The following EPS8L1 variants were observed in gnomAD, a reference collection of about 807,000 sequenced individuals.
The protein encoded by EPS8L1 is EPS8 signaling adaptor L1.
EPS8L1 carries 101 observed loss-of-function variants against 91.7 expected under a neutral mutation model. That is an observed-to-expected ratio of 1.10 (90% CI 0.94 to 1.30). The LOEUF is 1.30. Ranked by LOEUF, EPS8L1 falls within the 50% of genes most tolerant of loss-of-function variation. The probability of loss-of-function intolerance (pLI) is 0.00; values close to 1 mark genes in which losing one functional copy is unlikely to be tolerated. For synonymous variants in EPS8L1, 506 were observed against 445.3 expected (o/e 1.14, Z -1.72); for missense variants, 1,114 against 1,017.0 (o/e 1.10, Z -1.30).
At position 55,081,729 on chromosome 19, in the gene EPS8L1, T is replaced by A. The variant is rs1320419217; in HGVS notation, c.775-44T>A. 2.5e-6 allele frequency: 4 copies of A among 1,570,492 alleles called. No homozygotes were observed. In the South Asian group the frequency reaches 4.6e-5, roughly 18 times the overall value. On this transcript the variant is annotated intron_variant, in intron 8 of 19. Transcript: ENST00000201647. The surrounding 1 kb of genome is among the most constrained non-coding windows in gnomAD (Gnocchi z 4.9). ...GTTCAGGGCTTCGACGGGGATGGTT[T>A]TGGAACTCGGGAGCCCTGAGCGTCC...
intron 12 of EPS8L1, 68 bp downstream of exon 12, chr19:55,082,670 G>A: frequency 1.4e-6 from 2 of 1,433,230 alleles, no homozygotes; most frequent in South Asian, 1.3e-5. Context: ...GGAGGTGGGT[G>A]GCATGATGAT....
Position 55,083,802 on chromosome 19 carries a change from G to A in EPS8L1, c.1385+158G>A. On this transcript the variant is annotated intron_variant, in intron 14 of 19. Transcript: ENST00000201647. This position sits in a 1 kb window ranked among gnomAD's most constrained non-coding sequence, Gnocchi z 4.7. The stretch of plus-strand genomic sequence containing the variant: ...TGGTGATGGGGCGGGCCGGGGCTGG[G>A]AGAGAGGGAGGAGCAGGGTGGGAGG... The A allele has an allele frequency of 2.2e-6, 1 of 454,408 alleles. No homozygotes were observed. Among genetic ancestry groups the A allele is most frequent in the Middle Eastern group, 3.7e-4 (1 of 2,728 alleles). The allele number at this position is 454,408 out of a possible 1,614,324, so 28.1% of individuals were successfully genotyped here. A position where few individuals can be genotyped will look rare whatever the true frequency, so the allele number is the denominator to read the frequency against.
intron 19 of EPS8L1, 30 bp downstream of exon 19, chr19:55,087,465 G>A (rs1265212484): frequency 1.2e-6 from 2 of 1,614,212 alleles, no homozygotes; most frequent in Non-Finnish European, 8.5e-7. Flanking sequence ...CCTGGGTCTG[G>A]GTAGGGTTGG....
rs1163027566 is a variant in EPS8L1 at position 55,079,002 on chromosome 19, A to C, written c.62A>C (p.Gln21Pro). The C allele has an allele frequency of 6.2e-7, 1 of 1,613,924 alleles. No homozygotes were observed. The highest frequency in any genetic ancestry group is 8.5e-7 in the Non-Finnish European group (1 of 1,179,926). Reference sequence around the variant, plus strand: ...CATTCTCTTTCTCCCCTGGCAGAGCAGAGGAAGCGTTACTCCACAGTTGTT... The same window carrying C: ...CATTCTCTTTCTCCCCTGGCAGAGCCGAGGAAGCGTTACTCCACAGTTGTT... Reference protein sequence around the residue: ...PKPSAKSIYEQRKRYSTVVMA... With the variant: ...PKPSAKSIYEPRKRYSTVVMA... The change falls in exon 4 of 20, where the codon CAG becomes CCG. Residue 21 changes from glutamine to proline, a missense_variant. Gln to Pro is a moderately conservative substitution (Grantham distance 76). Coordinates refer to ENST00000201647, the MANE Select transcript of EPS8L1 (RefSeq NM_133180.3).
chr19:55,080,973 T>C (rs2076245739), intron 7 of EPS8L1, 119 bp downstream of exon 7: 1 of 1,011,300 alleles, frequency 9.9e-7, no homozygotes, highest in Non-Finnish European at 1.4e-6. Flanking sequence ...CACACCCTAG[T>C]CGAGTCTTGT....
intron 2 of EPS8L1, 90 bp downstream of exon 2, chr19:55,076,551 C>T: frequency 6.9e-7 from 1 of 1,453,486 alleles, no homozygotes; most frequent in Non-Finnish European, 9.4e-7. Flanking sequence ...GCAGCCCAGA[C>T]TGTTTGCGGC....
intron 18 of EPS8L1, 55 bp downstream of exon 18, chr19:55,086,943 G>A (rs2076359392): frequency 1.4e-6 from 2 of 1,402,546 alleles, no homozygotes; most frequent in Non-Finnish European, 1.8e-6. Context: ...TGGGAGCGGA[G>A]CGTTCCGATC....
At position 55,083,399 on chromosome 19, in the gene EPS8L1, G is replaced by C; in HGVS notation, c.1236G>C (p.Glu412Asp). ...GCAGGCTGGAGCTGTCCCCGGAGGA[G>C]GGACCCCCATACAGACCCGAGTTCT... ...TRPGLELSPEEGPPYRPEFFS... is the reference protein window; with the variant it reads ...TRPGLELSPEDGPPYRPEFFS... Residue 412 changes from glutamate to aspartate, a missense_variant, in exon 13 of 20, where the codon GAG becomes GAC. Physicochemically the swap from Glu to Asp is conservative, Grantham distance 45. Transcript: ENST00000201647. The surrounding 1 kb of genome is among the most constrained non-coding windows in gnomAD (Gnocchi z 4.7). The C allele has an allele frequency of 6.2e-7, 1 of 1,613,116 alleles. No individual in the cohort carries two copies. Among genetic ancestry groups the C allele is most frequent in the Non-Finnish European group, 8.5e-7 (1 of 1,179,950 alleles).
In EPS8L1 at chr19:55,081,834, C is replaced by T. The variant is rs1602936894; in HGVS notation, c.836C>T (p.Ala279Val). 6.2e-7 allele frequency: 1 copy of T among 1,612,504 alleles called. No individual in the cohort carries two copies. The highest frequency in any genetic ancestry group is 2.2e-5 in the East Asian group (1 of 44,800). Reference protein sequence around the residue: ...ESFVSRLQKSAEAARVLEHRE... With the variant: ...ESFVSRLQKSVEAARVLEHRE... ...TTTGTATCGAGGCTGCAGAAGTCGG[C>T]GGAGGCGGCCAGGGTGCTGGAGCAC... is the stretch of plus-strand genomic sequence containing the variant. The change falls in exon 9 of 20, where the codon GCG (alanine) becomes GTG (valine). Residue 279 changes from alanine to valine, a missense_variant. Ala to Val is a moderately conservative substitution (Grantham distance 64). Transcript: ENST00000201647. The surrounding 1 kb of genome is among the most constrained non-coding windows in gnomAD (Gnocchi z 4.9).
Position 55,087,743 on chromosome 19 carries a change from C to A in EPS8L1, c.*129C>A. The A allele has an allele frequency of 1.1e-6, 1 of 944,834 alleles. No individual in the cohort carries two copies. The highest frequency in any genetic ancestry group is 1.7e-6 in the Non-Finnish European group (1 of 605,762). 58.5% of individuals were successfully genotyped at this position (944,834 alleles called of 1,614,324 possible). ...TGCTCCGGCCCTGGTCTTCCCCCAT[C>A]CCGGTGGACAGACTTAACGATCCTT... On this transcript the variant is annotated 3_prime_UTR_variant, in exon 20 of 20. Transcript: ENST00000201647.
chr19:55,081,294 C>G lies in EPS8L1; in HGVS notation c.576C>G (p.Arg192=). 6.5e-7 allele frequency: 1 copy of G among 1,548,962 alleles called. No individual in the cohort carries two copies. Among genetic ancestry groups the G allele is most frequent in the Non-Finnish European group, 8.7e-7 (1 of 1,154,024 alleles). The part of the protein sequence containing the change: ...SPAAETPPLQ[R]RPSVRAVIST... ...CCGCTGAGACCCCGCCCCTGCAGCGCCGCCCGTCAGTCCGCGCAGTGATCA... is the reference window on the plus strand; with the variant it reads ...CCGCTGAGACCCCGCCCCTGCAGCGGCGCCCGTCAGTCCGCGCAGTGATCA... Residue 192 remains arginine (R), a synonymous_variant, in exon 8 of 20, where the codon CGC becomes CGG. Coordinates refer to ENST00000201647, the MANE Select transcript of EPS8L1 (RefSeq NM_133180.3). The surrounding 1 kb of genome is among the most constrained non-coding windows in gnomAD (Gnocchi z 4.9).
rs2076230022 is a variant in EPS8L1 at position 55,080,420 on chromosome 19, A to G, written c.429+142A>G. On this transcript the variant is annotated intron_variant, in intron 6 of 19. Transcript: ENST00000201647. ...GCAAGGAAGGGCAGGGGACCTGGGAAGGAAGTTCTGGAAGGCAGTGGGGTT... is the reference window on the plus strand; with the variant it reads ...GCAAGGAAGGGCAGGGGACCTGGGAGGGAAGTTCTGGAAGGCAGTGGGGTT... 2.5e-6 allele frequency: 4 copies of G among 1,597,688 alleles called. No individual in the cohort carries two copies. In the Admixed American group the frequency reaches 7.0e-5, roughly 28 times the overall value.
Position 55,087,821 on chromosome 19 carries a change from G to C in EPS8L1, c.*207G>C, listed in dbSNP as rs1255034468. 1 of 604,196 alleles carries C rather than the reference G, an allele frequency of 1.7e-6. No individual in the cohort carries two copies. Among genetic ancestry groups the C allele is most frequent in the Non-Finnish European group, 2.9e-6 (1 of 340,090 alleles). The allele number at this position is 604,196 out of a possible 1,614,324, so 37.4% of individuals were successfully genotyped here. On this transcript the variant is annotated 3_prime_UTR_variant, in exon 20 of 20. Transcript: ENST00000201647. ...ACTGGCTGGGAGTGGGGAGGGCGTG[G>C]AGACAGTCTACGGAAAGCGCTAGCA...
At chr19:55,079,531 G>A in intron 4 of EPS8L1, 159 bp from the exon 5 acceptor site, 1 of 812,792 alleles carries the variant, frequency 1.2e-6, no homozygotes, top group Non-Finnish European at 1.9e-6. Context: ...GAAACAAAGG[G>A]CACTGGGAGG....
In EPS8L1 at chr19:55,082,516, G is replaced by A. The variant is rs772529089; in HGVS notation, c.1128G>A (p.Ser376=). The A allele has an allele frequency of 2.1e-5, 34 of 1,612,196 alleles. No individual in the cohort carries two copies. Among genetic ancestry groups the A allele is most frequent in the Non-Finnish European group, 2.8e-5 (33 of 1,179,728 alleles). The change falls in exon 12 of 20, where the codon TCG becomes TCA. Residue 376 remains serine (S), a synonymous_variant. Coordinates refer to ENST00000201647, the MANE Select transcript of EPS8L1 (RefSeq NM_133180.3). ...ASSVRRPHLT[S]DAVALLRDNV... is the part of the protein sequence containing the mutation. ...GTGTGCGGCGGCCGCATCTGACATC[G>A]GATGCCGTGGCGCTGCTGCGGGACA...
At chr19:55,080,500 A>G (rs1400571170) in intron 6 of EPS8L1, 1 of 1,613,682 alleles carries the variant, frequency 6.2e-7, no homozygotes, top group East Asian at 2.2e-5. Flanking sequence ...GGACATGAAC[A>G]GAACATGGCC....
At chr19:55,079,932 G>A in intron 5 of EPS8L1, 81 bp downstream of exon 5, 6 of 1,488,718 alleles carry the variant, frequency 4.0e-6, no homozygotes, top group South Asian at 2.6e-5. Flanking sequence ...GCTCCTGCAC[G>A]TCCTTCCTCT....
At chr19:55,087,017 GGTCT>G (rs2076360149) in intron 18 of EPS8L1, 129 bp downstream of exon 18, 2 of 1,255,456 alleles carry the variant, frequency 1.6e-6, no homozygotes, top group East Asian at 5.7e-5. Flanking sequence ...CCGAAGTGAG[GGTCT>G]GTCTGGTAGC....
rs1429004312 is a variant in EPS8L1, at chr19:55,080,131, G to A, written c.282G>A (p.Glu94=). The A allele has an allele frequency of 2.7e-6, 4 of 1,487,496 alleles. No individual in the cohort carries two copies. The highest frequency in any genetic ancestry group is 2.6e-5 in the South Asian group (2 of 75,652). The allele number at this position is 1,487,496 out of a possible 1,614,324, so 92.1% of individuals were successfully genotyped here. The change falls in exon 6 of 20, where the codon GAG becomes GAA. Residue 94 remains glutamate, a splice_region_variant and synonymous_variant. Transcript: ENST00000201647. The stretch of plus-strand genomic sequence containing the variant: ...TACCCCGCCATCCCACCCGGCAGGA[G>A]GAGCTGGAGTCGTACCCACTGGGCG... The part of the protein sequence containing the change: ...HVTLLDPASK[E]ELESYPLGAI...
Sources: gnomAD v4.1 joint callset for allele counts on GRCh38, gnomAD v4.1.1 for gene constraint, Gnocchi (gnomAD v3.1) non-coding constraint, MANE v1.5 for transcripts, NCBI Gene and HGNC (gene_info 2026-07-23, HGNC 2026-07-21) for gene names.